Variants in CHST8 observed in about 807,000 individuals in gnomAD.
CHST8 encodes the protein carbohydrate sulfotransferase 8, also known as GALNAC-4-ST1.
CHST8 carries 10 observed loss-of-function variants against 15.0 expected under a neutral mutation model. The ratio of observed to expected loss-of-function variants is 0.67; its 90% CI spans 0.41 to 1.13. The LOEUF (loss-of-function observed/expected upper bound fraction) is 1.13. Ranked by LOEUF, CHST8 falls within the 50% of genes most tolerant of loss-of-function variation. The pLI is 0.00. For missense variants in CHST8, 634 were observed against 608.2 expected, an observed-to-expected ratio of 1.04 and a Z score of -0.45; for synonymous variants, 259 against 256.6, an observed-to-expected ratio of 1.01 and a Z score of -0.09.
chr19:33,725,235 G>A lies in CHST8; in HGVS notation c.130+35844G>A, dbSNP rs1002413681. Among the ~76,000 whole-genome samples, 5 of 152,076 alleles carry A rather than the reference G, an allele frequency of 3.3e-5. No homozygotes were observed. The South Asian group carries it at 6.2e-4, about 19-fold the overall frequency. ...TTGATCAGGCTAAGAGGTCCCCGTG[G>A]GGAAGGGCATTTCTCCTTGGCTCCT... On this transcript the variant is annotated intron_variant, in intron 3 of 4. Coordinates refer to ENST00000650847, the MANE Select transcript of CHST8 (RefSeq NM_001127895.2).
intron 3 of CHST8, among the ~76,000 whole-genome samples, chr19:33,711,541 T>A (rs1973550185): frequency 6.6e-6 from 1 of 152,236 alleles, no homozygotes; most frequent in African/African-American, 2.4e-5. Context: ...TGTATACTTC[T>A]GTACTTCTGT....
Position 33,647,057 on chromosome 19 carries a change from C to T in CHST8, c.-163-20710C>T, listed in dbSNP as rs1008016528. 5.3e-5 allele frequency among the ~76,000 whole-genome samples: 8 copies of T among 152,304 alleles called. No individual in the cohort carries two copies. The South Asian group carries it at 1.0e-3, about 20-fold the overall frequency. On this transcript the variant is annotated intron_variant, in intron 1 of 4. Transcript: ENST00000650847. The stretch of plus-strand genomic sequence containing the variant: ...ATGGAGTCAGCTATCAGATTTCTCT[C>T]GCAGTCGTATTACAAAGGTGCAAAG...
chr19:33,669,387 C>T lies in CHST8; in HGVS notation c.-87+1544C>T, dbSNP rs576870476. On this transcript the variant is annotated intron_variant, in intron 2 of 4. Transcript: ENST00000650847. Reference sequence around the variant, plus strand: ...GGATTTATGTCTATTGCAAAGATGGCGACGTGCACCTTCCTGGAGGTGCTG... The same window carrying T: ...GGATTTATGTCTATTGCAAAGATGGTGACGTGCACCTTCCTGGAGGTGCTG... 4.6e-5 allele frequency among the ~76,000 whole-genome samples: 7 copies of T among 152,272 alleles called. No homozygotes were observed. The East Asian group carries it at 9.6e-4, about 21-fold the overall frequency.
In CHST8 at chr19:33,761,333, AT is replaced by A. The variant is rs531090988; in HGVS notation, c.131-10068del. On this transcript the variant is annotated intron_variant, in intron 3 of 4. Coordinates refer to ENST00000650847, the MANE Select transcript of CHST8 (RefSeq NM_001127895.2). ...GCATAGTGAGACCTTGCCTCTATGA[AT>A]TTTTTTTTTTTCTGAGACAGAGTCT... is the stretch of plus-strand genomic sequence containing the variant. Among the ~76,000 whole-genome samples, 106 of 147,294 alleles carry A rather than the reference AT, an allele frequency of 7.2e-4. No individual in the cohort carries two copies. In the South Asian group the frequency reaches 0.011, roughly 15 times the overall value.
rs554074417 is a variant in CHST8 at position 33,657,252 on chromosome 19, C to T, written c.-163-10515C>T. ...ACACATACACACACATATATATATA[C>T]ACACATACACACACACACTTTTTTT... On this transcript the variant is annotated intron_variant, in intron 1 of 4. Coordinates refer to ENST00000650847, the MANE Select transcript of CHST8 (RefSeq NM_001127895.2). Among the ~76,000 whole-genome samples the T allele has an allele frequency of 8.8e-4, 133 of 151,134 alleles. 1 individual carries two copies. Among genetic ancestry groups the T allele is most frequent in the African/African-American group, 3.0e-3 (125 of 41,244 alleles).
At position 33,722,110 on chromosome 19, in the gene CHST8, T is replaced by TGGATGGAG. The variant is rs1293754084; in HGVS notation, c.130+32720_130+32721insGATGGAGG. On this transcript the variant is annotated intron_variant, in intron 3 of 4. Transcript: ENST00000650847. ...ATGGATGGATGGATGGATGGATGGATGAAGGGATGGATGGATAGATGAATG... is the reference window on the plus strand; with the variant it reads ...ATGGATGGATGGATGGATGGATGGATGGATGGAGGAAGGGATGGATGGATAGATGAATG... Among the ~76,000 whole-genome samples, 210 of 108,234 alleles carry TGGATGGAG rather than the reference T, an allele frequency of 1.9e-3. 4 individuals are homozygous for TGGATGGAG. Among genetic ancestry groups the TGGATGGAG allele is most frequent in the Middle Eastern group, 5.4e-3 (1 of 186 alleles). 71.0% of individuals were successfully genotyped at this position (108,234 alleles called of 152,430 possible).
At chr19:33,750,516 A>C in intron 3 of CHST8, among the ~76,000 whole-genome samples, 6 of 143,854 alleles carry the variant, frequency 4.2e-5, no homozygotes, top group South Asian at 2.4e-4. Context: ...TGTATCCCCC[A>C]CCCCTAAGCC....
At chr19:33,747,833 GA>G (rs1435016192) in intron 3 of CHST8, among the ~76,000 whole-genome samples, 12 of 152,184 alleles carry the variant, frequency 7.9e-5, no homozygotes, top group Non-Finnish European at 1.6e-4. Context: ...TAAGCTTTGA[GA>G]TTTTTTTTTA....
chr19:33,665,103 G>A (rs1176282134), intron 1 of CHST8, among the ~76,000 whole-genome samples: 1 of 152,066 alleles, frequency 6.6e-6, no homozygotes, highest in Non-Finnish European at 1.5e-5. Flanking sequence ...CCTTTCTTTT[G>A]GATATATACC....
At chr19:33,656,667 G>A (rs1452691449) in intron 1 of CHST8, among the ~76,000 whole-genome samples, 1 of 151,856 alleles carries the variant, frequency 6.6e-6, no homozygotes. Context: ...TCCCAAAATA[G>A]CTGGGACCAC....
intron 3 of CHST8, among the ~76,000 whole-genome samples, chr19:33,722,759 C>T (rs79739416): frequency 0.041 from 6,182 of 152,208 alleles, 412 homozygotes; most frequent in African/African-American, 0.14. Flanking sequence ...GCTGGAACAG[C>T]CTAACAGCCA....
At chr19:33,756,869 C>T (rs559604924) in intron 3 of CHST8, among the ~76,000 whole-genome samples, 1 of 152,224 alleles carries the variant, frequency 6.6e-6, no homozygotes, top group Non-Finnish European at 1.5e-5. Context: ...CTGCAGTCAG[C>T]ACCCCAGGGC....
At chr19:33,658,438 T>C (rs1972541525) in intron 1 of CHST8, among the ~76,000 whole-genome samples, 1 of 152,238 alleles carries the variant, frequency 6.6e-6, no homozygotes, top group African/African-American at 2.4e-5. Flanking sequence ...TGTGAGTTCA[T>C]TTTTCTTCTT....
At chr19:33,656,479 G>A (rs576672990) in intron 1 of CHST8, among the ~76,000 whole-genome samples, 1 of 152,272 alleles carries the variant, frequency 6.6e-6, no homozygotes, top group Non-Finnish European at 1.5e-5. Context: ...TATTGTAATA[G>A]TTCCCTGAAA....
intron 3 of CHST8, among the ~76,000 whole-genome samples, chr19:33,702,873 T>C (rs900753531): frequency 4.6e-5 from 7 of 152,194 alleles, no homozygotes; most frequent in African/African-American, 9.7e-5. Flanking sequence ...CAGGATTACC[T>C]CGGGTCTGGA....
At chr19:33,639,049 C>G (rs1972242505) in intron 1 of CHST8, among the ~76,000 whole-genome samples, 1 of 147,154 alleles carries the variant, frequency 6.8e-6, no homozygotes, top group Admixed American at 6.9e-5. Context: ...TGACAGGAGC[C>G]TCTCTCCAGT....
chr19:33,625,092 T>C (rs887629735), intron 1 of CHST8, among the ~76,000 whole-genome samples: 2 of 151,822 alleles, frequency 1.3e-5, no homozygotes, highest in Non-Finnish European at 2.9e-5. Context: ...TTCTTTCTTT[T>C]TTTTTTTTTT....
chr19:33,640,572 A>G lies in CHST8; in HGVS notation c.-164+18276A>G, dbSNP rs142306107. ...AGCTTTCTAAGGAATATATTACATTATGTGGAAGTTGGATGCTAACAAGAT... is the reference window on the plus strand; with the variant it reads ...AGCTTTCTAAGGAATATATTACATTGTGTGGAAGTTGGATGCTAACAAGAT... On this transcript the variant is annotated intron_variant, in intron 1 of 4. Coordinates refer to ENST00000650847, the MANE Select transcript of CHST8 (RefSeq NM_001127895.2). Among the ~76,000 whole-genome samples the G allele has an allele frequency of 2.0e-5, 3 of 152,356 alleles. No homozygotes were observed. The East Asian group carries it at 5.8e-4, about 29-fold the overall frequency.
At chr19:33,757,445 A>G (rs1314927525) in intron 3 of CHST8, among the ~76,000 whole-genome samples, 22 of 29,996 alleles carry the variant, frequency 7.3e-4, no homozygotes, top group African/African-American at 2.7e-3. Context: ...AAAGAAAGAA[A>G]GAAAGAAAGA....
Sources: allele counts gnomAD v4.1 joint callset (sites outside exome capture counted in the v4.1 genomes callset), GRCh38; gene constraint gnomAD v4.1.1; transcripts MANE v1.5; gene names NCBI Gene and HGNC (gene_info 2026-07-23, HGNC 2026-07-21).